PTER: variants seen among roughly 807,000 people sequenced by gnomAD.
PTER encodes N-acetyltaurine hydrolase.
In PTER, 38 loss-of-function variants were observed where a neutral mutation model predicts 29.6. The observed-to-expected ratio is 1.28, with a 90% CI of 0.99 to 1.68. The LOEUF is 1.68. Ranked by LOEUF, PTER falls within the 40% of genes most tolerant of loss-of-function variation. PTER has a pLI of 0.00. For synonymous variants in PTER, 172 were observed against 154.5 expected (o/e 1.11, Z -0.84); for missense variants, 482 against 427.8 (o/e 1.13, Z -1.12).
In PTER at chr10:16,511,256, G is replaced by C. The variant is rs1230194577; in HGVS notation, c.1050G>C (p.Ter350TyrextTer5). Residue 350 changes from the stop codon to tyrosine, a stop_lost, in exon 5 of 5, where the codon TAG becomes TAC. Coordinates refer to ENST00000535784, the MANE Select transcript of PTER (RefSeq NM_001261836.2). ...CTAAGCAATGGCTAACTTTCAAATA[G>C]GATGGTTGCTTATGAATTCACACCT... ...ENPKQWLTFK* is the reference protein window; with the variant it reads ...ENPKQWLTFKY 1.9e-6 allele frequency: 3 copies of C among 1,612,126 alleles called. No homozygotes were observed. Among genetic ancestry groups the C allele is most frequent in the Non-Finnish European group, 1.7e-6 (2 of 1,178,464 alleles).
At chr10:16,478,824 C>T (rs765301965) in intron 1 of PTER, among the ~76,000 whole-genome samples, 10 of 151,920 alleles carry the variant, frequency 6.6e-5, no homozygotes, top group Non-Finnish European at 1.5e-4. Flanking sequence ...TTTTTTTATT[C>T]AAGGAGTCTG....
At chr10:16,479,469 G>A (rs1835398390) in intron 1 of PTER, among the ~76,000 whole-genome samples, 1 of 151,508 alleles carries the variant, frequency 6.6e-6, no homozygotes, top group African/African-American at 2.4e-5. Flanking sequence ...CACAATGGAA[G>A]TATTCAAACA....
At chr10:16,452,741 T>C (rs1421652879) in intron 1 of PTER, among the ~76,000 whole-genome samples, 1 of 151,572 alleles carries the variant, frequency 6.6e-6, no homozygotes, top group Non-Finnish European at 1.5e-5. Flanking sequence ...CTTCTACTTC[T>C]TCCTCATTTA....
intron 1 of PTER, among the ~76,000 whole-genome samples, chr10:16,465,993 C>T (rs908348901): frequency 1.3e-5 from 2 of 152,236 alleles, no homozygotes; most frequent in East Asian, 1.9e-4. Context: ...TCTGTTCCCT[C>T]CCTCAATATG....
At chr10:16,514,845 G>T, downstream of PTER, 1 of 644,812 alleles carries the variant, frequency 1.6e-6, no homozygotes, top group Non-Finnish European at 2.6e-6. Flanking sequence ...TGACCTCAGA[G>T]CTTTATGAGG....
chr10:16,501,775 G>A (rs186638377), intron 3 of PTER, among the ~76,000 whole-genome samples: 73 of 152,306 alleles, frequency 4.8e-4, no homozygotes, highest in African/African-American at 1.6e-3. Context: ...GGTTTACAGC[G>A]TAAGTTCTAA....
Position 16,486,534 on chromosome 10 carries a change from C to T in PTER, c.615C>T (p.Ser205=). The part of the protein sequence containing the change: ...GCPVIIHPGR[S]SRAPFQIIRI... The stretch of plus-strand genomic sequence containing the variant: ...CTGTTATTATCCATCCTGGACGGAG[C>T]TCCAGGGCACCATTTCAGATTATCC... Residue 205 remains serine, a synonymous_variant, in exon 3 of 5, where the codon AGC becomes AGT. Coordinates refer to ENST00000535784, the MANE Select transcript of PTER (RefSeq NM_001261836.2). The T allele has an allele frequency of 6.2e-7, 1 of 1,613,974 alleles. No homozygotes were observed. Among genetic ancestry groups the T allele is most frequent in the South Asian group, 1.1e-5 (1 of 91,074 alleles).
rs565221724 is a variant in PTER at position 16,480,579 on chromosome 10, G to A, written c.-48-3758G>A. On this transcript the variant is annotated intron_variant, in intron 1 of 4. Transcript: ENST00000535784. ...GGGTATAACAGAGTCCGGGGTGGGA[G>A]AAGAGCCTATGTTTATGAAATAAGG... Among the ~76,000 whole-genome samples the A allele has an allele frequency of 1.2e-4, 19 of 152,218 alleles. 1 individual carries two copies. The South Asian group carries it at 3.9e-3, about 32-fold the overall frequency.
downstream of PTER, among the ~76,000 whole-genome samples, chr10:16,515,870 C>A (rs139605502): frequency 8.3e-3 from 1,256 of 152,120 alleles, 11 homozygotes; most frequent in Non-Finnish European, 0.014. Context: ...TTTTGTAAAC[C>A]TGCACTATGT....
intron 3 of PTER, among the ~76,000 whole-genome samples, chr10:16,498,615 A>G (rs1054365096): frequency 2.0e-5 from 3 of 152,192 alleles, no homozygotes; most frequent in Non-Finnish European, 2.9e-5. Flanking sequence ...CTCAAGAAGT[A>G]TTCATGGATA....
intron 1 of PTER, among the ~76,000 whole-genome samples, chr10:16,438,920 CAAAAA>C (rs71374688): frequency 0.023 from 2,362 of 101,356 alleles, 76 homozygotes; most frequent in African/African-American, 0.082. Flanking sequence ...GACTCTGTCT[CAAAAA>C]AAAAAAAAAA....
intron 3 of PTER, 150 bp from the exon 4 acceptor site, chr10:16,504,870 C>G: frequency 1.3e-6 from 1 of 783,300 alleles, no homozygotes; most frequent in Non-Finnish European, 2.0e-6. Context: ...CTGTTTTATA[C>G]TCACATCATT....
At chr10:16,465,405 C>A (rs530044296) in intron 1 of PTER, among the ~76,000 whole-genome samples, 1 of 152,196 alleles carries the variant, frequency 6.6e-6, no homozygotes, top group East Asian at 1.9e-4. Context: ...GTGAAATTAG[C>A]ACGTTTGGAA....
At chr10:16,501,124 T>C (rs1404822030) in intron 3 of PTER, among the ~76,000 whole-genome samples, 1 of 151,686 alleles carries the variant, frequency 6.6e-6, no homozygotes, top group Non-Finnish European at 1.5e-5. Context: ...AAAGCCAGGG[T>C]TTCACCATGT....
chr10:16,460,807 C>G (rs1834584140), intron 1 of PTER, among the ~76,000 whole-genome samples: 1 of 152,126 alleles, frequency 6.6e-6, no homozygotes, highest in Non-Finnish European at 1.5e-5. Flanking sequence ...ACCTCTACCT[C>G]CCGGGTTCAA....
chr10:16,469,934 A>G (rs766811686), intron 1 of PTER, among the ~76,000 whole-genome samples: 1 of 151,608 alleles, frequency 6.6e-6, no homozygotes, highest in Non-Finnish European at 1.5e-5. Flanking sequence ...GAGCATTTGT[A>G]GATGTTGCAT....
intron 3 of PTER, among the ~76,000 whole-genome samples, chr10:16,502,508 C>T (rs1836389973): frequency 6.6e-6 from 1 of 152,034 alleles, no homozygotes; most frequent in South Asian, 2.1e-4. Context: ...ATTTTTTAGC[C>T]TCCCTGCCTA....
At position 16,443,816 on chromosome 10, in the gene PTER, C is replaced by T. The variant is rs201220377; in HGVS notation, c.-49+6769C>T. ...TTACTATGATGAGTCCATGTACTTA[C>T]GTGTACCATCAAAAAGGGCCAGAGG... On this transcript the variant is annotated intron_variant, in intron 1 of 4. Coordinates refer to ENST00000535784, the MANE Select transcript of PTER (RefSeq NM_001261836.2). 8.5e-5 allele frequency among the ~76,000 whole-genome samples: 13 copies of T among 152,246 alleles called. No individual in the cohort carries two copies. In the East Asian group the frequency reaches 2.3e-3, roughly 27 times the overall value.
chr10:16,482,520 A>G (rs1835518701), intron 1 of PTER, among the ~76,000 whole-genome samples: 1 of 152,216 alleles, frequency 6.6e-6, no homozygotes. Context: ...ACGACAGTCT[A>G]TGAAATGTGC....
Sources: allele counts gnomAD v4.1 joint callset (sites outside exome capture counted in the v4.1 genomes callset), GRCh38; gene constraint gnomAD v4.1.1; transcripts MANE v1.5; gene names NCBI Gene and HGNC (gene_info 2026-07-23, HGNC 2026-07-21).